IQSEC3: variants seen among roughly 807,000 people sequenced by gnomAD.
The protein encoded by IQSEC3 is IQ motif and SEC7 domain-containing protein 3.
In IQSEC3, 50 loss-of-function variants were observed where a neutral mutation model predicts 105.4. The observed-to-expected ratio is 0.47, with a 90% CI of 0.38 to 0.60. The LOEUF (loss-of-function observed/expected upper bound fraction) is 0.60, where lower values mean the gene tolerates loss of function less well. Ranked by LOEUF, IQSEC3 falls within the 20% of genes least tolerant of loss-of-function variation. IQSEC3 has a pLI of 0.00. For synonymous variants in IQSEC3, 708 were observed against 746.0 expected, an observed-to-expected ratio of 0.95 and a Z score of 0.83; for missense variants, 1,415 against 1,630.0, an observed-to-expected ratio of 0.87 and a Z score of 2.27.
At chr12:76,967 C>G (rs1395569574) in intron 1 of IQSEC3, among the ~76,000 whole-genome samples, 1 of 152,252 alleles carries the variant, frequency 6.6e-6, no homozygotes, top group Admixed American at 6.5e-5. Context: ...GGGAGTTCCA[C>G]AATTTCTTCC....
rs78785750 is a variant in IQSEC3 at position 96,054 on chromosome 12, A to G, written c.555-3092A>G. Among the ~76,000 whole-genome samples the G allele has an allele frequency of 6.8e-4, 104 of 152,250 alleles. 1 individual carries two copies. In the East Asian group the frequency reaches 0.019, roughly 27 times the overall value. ...AAGAGGTCCTAAGAACACGCACCCAAGGTGGTTGGGCTGCAGCTTTGTTTT... is the reference window on the plus strand; with the variant it reads ...AAGAGGTCCTAAGAACACGCACCCAGGGTGGTTGGGCTGCAGCTTTGTTTT... On this transcript the variant is annotated intron_variant, in intron 1 of 13. Transcript: ENST00000538872.
intron 1 of IQSEC3, among the ~76,000 whole-genome samples, chr12:92,901 G>A (rs959726886): frequency 1.3e-5 from 2 of 152,168 alleles, no homozygotes; most frequent in Non-Finnish European, 2.9e-5. Context: ...ATGCAGCACT[G>A]GTTGATTTCA....
chr12:116,591 C>T (rs1865057570), intron 2 of IQSEC3, among the ~76,000 whole-genome samples: 2 of 152,364 alleles, frequency 1.3e-5, no homozygotes, highest in South Asian at 4.1e-4. Context: ...ATATTGGGGT[C>T]CAAGACTGTG....
chr12:164,038 G>C (rs930897992), intron 9 of IQSEC3, among the ~76,000 whole-genome samples: 1 of 152,200 alleles, frequency 6.6e-6, no homozygotes, highest in South Asian at 2.1e-4. Flanking sequence ...GTGTGTGTGC[G>C]TGCACACACA....
chr12:141,624 TTCA>T, intron 5 of IQSEC3: 1 of 267,768 alleles, frequency 3.7e-6, no homozygotes, highest in Non-Finnish European at 7.0e-6. Flanking sequence ...AGCACTGGGG[TTCA>T]TCTCTGCCTG....
At chr12:150,894 G>A (rs192880037) in intron 5 of IQSEC3, among the ~76,000 whole-genome samples, 16 of 151,734 alleles carry the variant, frequency 1.1e-4, no homozygotes, top group African/African-American at 2.9e-4. Flanking sequence ...GAGGGGAGGC[G>A]TGGTAGCTAT....
intron 2 of IQSEC3, among the ~76,000 whole-genome samples, chr12:119,644 G>A (rs1185689786): frequency 2.0e-5 from 3 of 152,324 alleles, no homozygotes; most frequent in East Asian, 3.9e-4. Context: ...ATGGAAGGGA[G>A]GGGAGGCACA....
At chr12:95,495 T>C (rs782633212) in intron 1 of IQSEC3, among the ~76,000 whole-genome samples, 2 of 152,226 alleles carry the variant, frequency 1.3e-5, no homozygotes, top group Non-Finnish European at 2.9e-5. Flanking sequence ...TTTACGGTAA[T>C]ATCACACATG....
Position 157,611 on chromosome 12 carries a change from T to C in IQSEC3, c.2360T>C (p.Ile787Thr). The change falls in exon 7 of 14, where the codon ATC (isoleucine) becomes ACC (threonine). Residue 787 changes from isoleucine (I) to threonine (T), a missense_variant. By Grantham distance (89) the Ile-to-Thr change is moderately conservative. Coordinates refer to ENST00000538872, the MANE Select transcript of IQSEC3 (RefSeq NM_001170738.2). ...DTIFILAFAI[I>T]LLNTDMYSPN... Reference sequence around the variant, plus strand: ...ATCTTCATCCTCGCCTTCGCCATCATCCTCCTCAACACCGACATGTACAGC... The same window carrying C: ...ATCTTCATCCTCGCCTTCGCCATCACCCTCCTCAACACCGACATGTACAGC... 1 of 1,614,090 alleles carries C rather than the reference T, an allele frequency of 6.2e-7. No homozygotes were observed. The highest frequency in any genetic ancestry group is 8.5e-7 in the Non-Finnish European group (1 of 1,180,016).
intron 9 of IQSEC3, chr12:165,223 T>C: frequency 1.7e-6 from 1 of 584,456 alleles, no homozygotes; most frequent in Non-Finnish European, 3.0e-6. Context: ...GCTTGGCTTC[T>C]AAGTACAGAG....
At chr12:163,758 T>G in intron 9 of IQSEC3, 139 bp downstream of exon 9, 2 of 715,146 alleles carry the variant, frequency 2.8e-6, no homozygotes, top group Non-Finnish European at 2.4e-6. Flanking sequence ...GGGACGGATC[T>G]GCCTTCATGG....
At chr12:94,597 A>G (rs1420718734) in intron 1 of IQSEC3, among the ~76,000 whole-genome samples, 2 of 152,232 alleles carry the variant, frequency 1.3e-5, no homozygotes, top group Non-Finnish European at 2.9e-5. Context: ...AAGCCCCAAC[A>G]GCACTGCCGG....
At chr12:71,861 TAAGAA>T (rs1555067642) in intron 1 of IQSEC3, among the ~76,000 whole-genome samples, 1 of 152,270 alleles carries the variant, frequency 6.6e-6, no homozygotes, top group Non-Finnish European at 1.5e-5. Context: ...GTTTCTAGTC[TAAGAA>T]ATGGGGCCAG....
At chr12:155,615 A>G (rs929140665) in intron 5 of IQSEC3, among the ~76,000 whole-genome samples, 1 of 152,160 alleles carries the variant, frequency 6.6e-6, no homozygotes, top group Non-Finnish European at 1.5e-5. Context: ...CTAAAAACTG[A>G]CGGCAGAGTT....
At position 141,092 on chromosome 12, in the gene IQSEC3, T is replaced by C. The variant is rs781961677; in HGVS notation, c.1992-32T>C. On this transcript the variant is annotated intron_variant, in intron 4 of 13. Coordinates refer to ENST00000538872, the MANE Select transcript of IQSEC3 (RefSeq NM_001170738.2). ...AGAGTCATGGATGGCTTCAGCTCAC[T>C]CTCTACTGCTTCTCCCCACCCCCAC... 10 of 1,569,992 alleles carry C rather than the reference T, an allele frequency of 6.4e-6. No individual in the cohort carries two copies. In the Admixed American group the frequency reaches 1.7e-4, roughly 27 times the overall value.
rs529817339 is a variant in IQSEC3, at chr12:134,737, A to C, written c.904-3530A>C. ...TAGCAAAACTCTGTCTCTACTAAAA[A>C]AAATACAAAAGTTAGCCAGGCACAG... is the stretch of plus-strand genomic sequence containing the variant. On this transcript the variant is annotated intron_variant, in intron 3 of 13. Transcript: ENST00000538872. Among the ~76,000 whole-genome samples, 225 of 151,378 alleles carry C rather than the reference A, an allele frequency of 1.5e-3. 1 individual carries two copies. Among genetic ancestry groups the C allele is most frequent in the African/African-American group, 5.1e-3 (211 of 41,198 alleles).
intron 1 of IQSEC3, among the ~76,000 whole-genome samples, chr12:89,401 A>G (rs143123048): frequency 0.01 from 1,562 of 152,364 alleles, 14 homozygotes; most frequent in Middle Eastern, 0.034. Context: ...ATAAAATAGC[A>G]AGAAATGAGA....
intron 3 of IQSEC3, among the ~76,000 whole-genome samples, chr12:130,996 C>G (rs1404606282): frequency 4.0e-5 from 2 of 50,296 alleles, no homozygotes; most frequent in Non-Finnish European, 8.4e-5. Flanking sequence ...ATCCTCAGCA[C>G]TGTGCCCCCC....
chr12:157,669 G>A lies in IQSEC3; in HGVS notation c.2418G>A (p.Leu806=), dbSNP rs147952171. 6.2e-6 allele frequency: 10 copies of A among 1,613,672 alleles called. No individual in the cohort carries two copies. The African/African-American group carries it at 1.3e-4, about 22-fold the overall frequency. The change falls in exon 7 of 14, where the codon CTG becomes CTA. Residue 806 remains leucine (L), a synonymous_variant. Coordinates refer to ENST00000538872, the MANE Select transcript of IQSEC3 (RefSeq NM_001170738.2). ...TCAAGCCTGACCGGAAGATGATGCT[G>A]GAGGACTTCATCCGAAACCTTCGAG... is the stretch of plus-strand genomic sequence containing the variant. ...PNIKPDRKMM[L]EDFIRNLRGV... is the part of the protein sequence containing the mutation.
Sources: allele counts gnomAD v4.1 joint callset (sites outside exome capture counted in the v4.1 genomes callset), GRCh38; gene constraint gnomAD v4.1.1; transcripts MANE v1.5; gene names NCBI Gene and HGNC (gene_info 2026-07-23, HGNC 2026-07-21).